ARID5B: variants seen among roughly 807,000 people sequenced by gnomAD.
The protein encoded by ARID5B is AT-rich interactive domain-containing protein 5B.
ARID5B carries 13 observed loss-of-function variants against 97.2 expected under a neutral mutation model. The observed-to-expected ratio is 0.13, with a 90% confidence interval of 0.09 to 0.21. ARID5B has a LOEUF of 0.21. Among genes scored for constraint, ARID5B ranks in the 10% least tolerant of loss-of-function variants. The pLI, the probability that ARID5B is intolerant of heterozygous loss-of-function variation, is 1.00. For synonymous variants in ARID5B, 556 were observed against 570.3 expected, an observed-to-expected ratio of 0.97 and a Z score of 0.36; for missense variants, 1,210 against 1,465.3, an observed-to-expected ratio of 0.83 and a Z score of 2.84.
At chr10:62,035,657 AT>A (rs1270150493) in intron 4 of ARID5B, among the ~76,000 whole-genome samples, 1 of 151,622 alleles carries the variant, frequency 6.6e-6, no homozygotes, top group Non-Finnish European at 1.5e-5. Flanking sequence ...TGCCCAGCTA[AT>A]TTTTGTATTT....
At chr10:62,007,672 T>A (rs1487763528) in intron 4 of ARID5B, among the ~76,000 whole-genome samples, 1 of 152,206 alleles carries the variant, frequency 6.6e-6, no homozygotes, top group East Asian at 1.9e-4. Flanking sequence ...CACATACTGG[T>A]TCTGTAGTGG....
At position 62,013,815 on chromosome 10, in the gene ARID5B, T is replaced by TATATATATATATATATAC. The variant is rs915920250; in HGVS notation, c.733+13495_733+13496insTATATATATATATATACA. On this transcript the variant is annotated intron_variant, in intron 4 of 9. Coordinates refer to ENST00000279873, the MANE Select transcript of ARID5B (RefSeq NM_032199.3). ...TTGGGTATATATATATATATATATATACCACATTTTCTCTTTTAATTTTTA... is the reference window on the plus strand; with the variant it reads ...TTGGGTATATATATATATATATATATATATATATATATATATACACCACATTTTCTCTTTTAATTTTTA... Among the ~76,000 whole-genome samples, 135 of 147,412 alleles carry TATATATATATATATATAC rather than the reference T, an allele frequency of 9.2e-4. 1 individual carries two copies. The East Asian group carries it at 0.013, about 14-fold the overall frequency.
intron 5 of ARID5B, 171 bp downstream of exon 5, chr10:62,051,171 C>T: frequency 2.9e-6 from 2 of 700,972 alleles, no homozygotes; most frequent in East Asian, 2.7e-5. Flanking sequence ...CCTCCCTTCC[C>T]CTGGTTGCCG....
chr10:61,913,882 G>A (rs1048207986), intron 2 of ARID5B, among the ~76,000 whole-genome samples: 10 of 152,192 alleles, frequency 6.6e-5, no homozygotes, highest in African/African-American at 1.2e-4. Context: ...CTCCTGAGTA[G>A]CTGGGATTAC....
At chr10:62,074,652 G>A (rs1840104736) in intron 8 of ARID5B, among the ~76,000 whole-genome samples, 1 of 152,178 alleles carries the variant, frequency 6.6e-6, no homozygotes, top group Non-Finnish European at 1.5e-5. Flanking sequence ...GCACATCAAG[G>A]ACATGATTCC....
chr10:61,940,179 G>GT lies in ARID5B; in HGVS notation c.277-3dup. The GT allele has an allele frequency of 6.2e-7, 1 of 1,613,922 alleles. No homozygotes were observed. Among genetic ancestry groups the GT allele is most frequent in the Non-Finnish European group, 8.5e-7 (1 of 1,179,804 alleles). On this transcript the variant is annotated splice_region_variant and splice_polypyrimidine_tract_variant and intron_variant, in intron 2 of 9. Coordinates refer to ENST00000279873, the MANE Select transcript of ARID5B (RefSeq NM_032199.3). ...TTTTGTTCTTCCCCAACCACCTCTT[G>GT]TAGGATGAAGTCATTGCTGTTTCCG... is the stretch of plus-strand genomic sequence containing the variant.
At chr10:62,043,002 T>C (rs1839661342) in intron 4 of ARID5B, among the ~76,000 whole-genome samples, 1 of 151,830 alleles carries the variant, frequency 6.6e-6, no homozygotes, top group African/African-American at 2.4e-5. Flanking sequence ...ACCTAGGCTG[T>C]GGTCTTGTCC....
chr10:62,088,570 C>T (rs1564648902), intron 9 of ARID5B, among the ~76,000 whole-genome samples: 2 of 152,194 alleles, frequency 1.3e-5, no homozygotes, highest in African/African-American at 4.8e-5. Flanking sequence ...CTGTTCCCTT[C>T]AGGGAGCTGT....
chr10:62,082,979 T>G (rs1290652956), intron 8 of ARID5B, among the ~76,000 whole-genome samples: 2 of 152,148 alleles, frequency 1.3e-5, no homozygotes, highest in African/African-American at 4.8e-5. Context: ...TAGGAGGCTT[T>G]TTTCCCCAAG....
intron 3 of ARID5B, among the ~76,000 whole-genome samples, chr10:61,958,588 C>T (rs2132819309): frequency 6.6e-6 from 1 of 152,244 alleles, no homozygotes; most frequent in East Asian, 1.9e-4. Flanking sequence ...GAGGAGACTC[C>T]CATCCCATGT....
intron 3 of ARID5B, among the ~76,000 whole-genome samples, chr10:61,965,398 T>C (rs1431914237): frequency 2.0e-5 from 3 of 152,170 alleles, no homozygotes; most frequent in Non-Finnish European, 4.4e-5. Context: ...GGAACGGTTA[T>C]TTTTAAACAT....
chr10:61,987,017 G>A (rs1281465078), intron 3 of ARID5B, among the ~76,000 whole-genome samples: 1 of 152,228 alleles, frequency 6.6e-6, no homozygotes, highest in African/African-American at 2.4e-5. Flanking sequence ...CTAGTAAGAA[G>A]CAAGAGGAAG....
At chr10:62,049,622 C>G in intron 4 of ARID5B, 1 of 1,209,264 alleles carries the variant, frequency 8.3e-7, no homozygotes, top group South Asian at 1.4e-5. Flanking sequence ...GGAAGGGGAT[C>G]CTAAGCCCTA....
intron 4 of ARID5B, among the ~76,000 whole-genome samples, chr10:62,030,928 T>C (rs1029366507): frequency 1.3e-5 from 2 of 152,306 alleles, no homozygotes; most frequent in African/African-American, 4.8e-5. Flanking sequence ...GCAAGGGCTA[T>C]GCATCTTTAA....
At chr10:62,043,443 C>T (rs536548634) in intron 4 of ARID5B, among the ~76,000 whole-genome samples, 4 of 152,290 alleles carry the variant, frequency 2.6e-5, no homozygotes, top group East Asian at 1.9e-4. Context: ...ATTTAAATAA[C>T]GTGATCATTT....
At chr10:61,925,847 C>G (rs1174640933) in intron 2 of ARID5B, among the ~76,000 whole-genome samples, 1 of 152,178 alleles carries the variant, frequency 6.6e-6, no homozygotes, top group African/African-American at 2.4e-5. Context: ...ATGCCGTTGG[C>G]TATAACCATG....
intron 8 of ARID5B, among the ~76,000 whole-genome samples, chr10:62,083,080 C>A (rs575296801): frequency 1.3e-5 from 2 of 152,148 alleles, no homozygotes; most frequent in Admixed American, 1.3e-4. Flanking sequence ...CACACACTCA[C>A]ACACTCTCAT....
intron 4 of ARID5B, among the ~76,000 whole-genome samples, chr10:62,029,729 C>CGTA (rs1467701905): frequency 2.0e-5 from 3 of 152,188 alleles, no homozygotes; most frequent in Non-Finnish European, 4.4e-5. Context: ...AGAGGGAGAT[C>CGTA]ACCTCGTAAC....
At chr10:62,026,156 GCCT>G (rs1839418302) in intron 4 of ARID5B, among the ~76,000 whole-genome samples, 1 of 152,196 alleles carries the variant, frequency 6.6e-6, no homozygotes, top group Non-Finnish European at 1.5e-5. Context: ...TTATACCCAA[GCCT>G]TGTTGCAAGA....
Sources: allele counts gnomAD v4.1 joint callset (sites outside exome capture counted in the v4.1 genomes callset), GRCh38; gene constraint gnomAD v4.1.1; transcripts MANE v1.5; gene names NCBI Gene and HGNC (gene_info 2026-07-23, HGNC 2026-07-21).